Variants in MORN1 observed in about 807,000 individuals in gnomAD.
The protein encoded by MORN1 is MORN repeat-containing protein 1.
Under a neutral mutation model 61.9 loss-of-function variants are expected in MORN1, and 67 were observed. The observed-to-expected ratio is 1.08, with a 90% CI of 0.89 to 1.33. MORN1 has a LOEUF of 1.33. Ranked by LOEUF, MORN1 falls within the 40% of genes most tolerant of loss-of-function variation. MORN1 has a pLI of 0.00. For missense variants in MORN1, 752 were observed against 691.2 expected (o/e 1.09, Z -0.99); for synonymous variants, 301 against 292.0 (o/e 1.03, Z -0.31).
chr1:2,358,849 T>A, intron 8 of MORN1, 134 bp from the exon 9 acceptor site: 2 of 1,122,866 alleles, frequency 1.8e-6, no homozygotes, highest in African/African-American at 1.6e-5. Flanking sequence ...GTGACCCTGG[T>A]GGGCTGAGGA....
intron 12 of MORN1, among the ~76,000 whole-genome samples, chr1:2,327,980 G>C (rs1451668884): frequency 6.6e-6 from 1 of 152,250 alleles, no homozygotes; most frequent in African/African-American, 2.4e-5. Context: ...CCCGTCACAG[G>C]CTTCTGTGTG....
At chr1:2,387,363 T>G in intron 4 of MORN1, 56 bp downstream of exon 4, 13 of 1,296,184 alleles carry the variant, frequency 1.0e-5, no homozygotes, top group South Asian at 2.4e-5. Flanking sequence ...GGACGTAGGA[T>G]TCCATGTCCT....
At chr1:2,356,098 C>T (rs1641762354) in intron 10 of MORN1, among the ~76,000 whole-genome samples, 1 of 152,142 alleles carries the variant, frequency 6.6e-6, no homozygotes, top group Non-Finnish European at 1.5e-5. Context: ...TCAGGGGCGG[C>T]AGGTGGGGCT....
At chr1:2,330,181 CT>C (rs1414136019) in intron 12 of MORN1, among the ~76,000 whole-genome samples, 1 of 152,240 alleles carries the variant, frequency 6.6e-6, no homozygotes, top group Non-Finnish European at 1.5e-5. Context: ...AGGCCTGCCC[CT>C]AACTGGCCAC....
At chr1:2,335,837 C>CCAGCG (rs1557870498) in intron 12 of MORN1, among the ~76,000 whole-genome samples, 6 of 151,460 alleles carry the variant, frequency 4.0e-5, no homozygotes, top group Admixed American at 2.0e-4. Flanking sequence ...ATAGCCCAGC[C>CCAGCG]CAGCCCAGCG....
chr1:2,370,255 G>A (rs954582698), intron 8 of MORN1, among the ~76,000 whole-genome samples: 3 of 152,210 alleles, frequency 2.0e-5, no homozygotes, highest in African/African-American at 7.2e-5. Context: ...AAAGGACGGT[G>A]TTCTCAACAA....
intron 8 of MORN1, among the ~76,000 whole-genome samples, chr1:2,365,982 T>C (rs1641987170): frequency 6.8e-6 from 1 of 146,436 alleles, no homozygotes; most frequent in Non-Finnish European, 1.5e-5. Flanking sequence ...ACTGGGTATA[T>C]ACCCAAAGGA....
At chr1:2,350,284 C>T (rs934504235) in intron 10 of MORN1, 2 of 152,164 alleles carry the variant, frequency 1.3e-5, no homozygotes, top group Admixed American at 6.5e-5. Flanking sequence ...TTCTTCTCAA[C>T]GAAATGCAAA....
intron 10 of MORN1, among the ~76,000 whole-genome samples, chr1:2,340,576 C>G (rs555083088): frequency 5.0e-4 from 76 of 152,246 alleles, no homozygotes; most frequent in Non-Finnish European, 9.7e-4. Context: ...GTCCCTAGGC[C>G]TCCAGCACCC....
rs1276460961 is a variant in MORN1 at position 2,337,623 on chromosome 1, A to T, written c.1037-773T>A. Among the ~76,000 whole-genome samples, 1 of 152,160 alleles carries T rather than the reference A, an allele frequency of 6.6e-6. No homozygotes were observed. The highest frequency in any genetic ancestry group is 6.5e-5 in the Admixed American group (1 of 15,278). ...TGGTCAGTGGCTGAGCCTGAAGGAG[A>T]TAACTTCAGTGCAGCCCCTCCACAC... On this transcript the variant is annotated intron_variant, in intron 10 of 13. Transcript: ENST00000378531. This position sits in a 1 kb window ranked among gnomAD's most constrained non-coding sequence, Gnocchi z 5.7.
intron 13 of MORN1, chr1:2,323,448 G>T (rs981950785): frequency 1.1e-5 from 11 of 985,280 alleles, no homozygotes; most frequent in East Asian, 1.1e-4. Flanking sequence ...TCCATTCTCC[G>T]TCAGGCAGCC....
intron 2 of MORN1, 22 bp downstream of exon 2, chr1:2,389,903 A>G: frequency 6.2e-7 from 1 of 1,610,938 alleles, no homozygotes; most frequent in South Asian, 1.1e-5. Flanking sequence ...AGCTGCAAGA[A>G]GAGACCACAG....
intron 12 of MORN1, among the ~76,000 whole-genome samples, chr1:2,324,524 G>C (rs184425243): frequency 2.2e-4 from 33 of 152,330 alleles, no homozygotes; most frequent in African/African-American, 6.7e-4. Context: ...GAGAGACGGC[G>C]AGGCTGGAGC....
intron 6 of MORN1, among the ~76,000 whole-genome samples, chr1:2,381,537 C>G (rs1413991465): frequency 6.6e-6 from 1 of 152,136 alleles, no homozygotes; most frequent in Admixed American, 6.5e-5. Context: ...GGTTGGCAGG[C>G]GGTCCCAGGG....
In MORN1 at chr1:2,357,709, G is replaced by C; in HGVS notation, c.870-111C>G. 16 of 1,306,424 alleles carry C rather than the reference G, an allele frequency of 1.2e-5. No homozygotes were observed. The highest frequency in any genetic ancestry group is 1.5e-5 in the Non-Finnish European group (15 of 982,636). 80.9% of individuals were successfully genotyped at this position (1,306,424 alleles called of 1,614,324 possible). On this transcript the variant is annotated intron_variant, in intron 9 of 13. Coordinates refer to ENST00000378531, the MANE Select transcript of MORN1 (RefSeq NM_024848.3). The surrounding 1 kb of genome is among the most constrained non-coding windows in gnomAD (Gnocchi z 6.3). ...CTGGGACTTGCCTACACTGAGTCCAGGGAGCGCTACTCAGCCTCTCTGGGA... is the reference window on the plus strand; with the variant it reads ...CTGGGACTTGCCTACACTGAGTCCACGGAGCGCTACTCAGCCTCTCTGGGA...
At position 2,358,732 on chromosome 1, in the gene MORN1, G is replaced by T; in HGVS notation, c.746-17C>A. The T allele has an allele frequency of 6.2e-7, 1 of 1,601,154 alleles. No homozygotes were observed. Among genetic ancestry groups the T allele is most frequent in the Non-Finnish European group, 8.5e-7 (1 of 1,173,046 alleles). On this transcript the variant is annotated splice_polypyrimidine_tract_variant and intron_variant, in intron 8 of 13. Transcript: ENST00000378531. The stretch of plus-strand genomic sequence containing the variant: ...CGCTCTCGCCTTCCAGGAGAGAGGA[G>T]CAGGCAGTGAACACTCACAGGCACC...
At chr1:2,355,543 C>T (rs1569981235) in intron 10 of MORN1, 2 of 1,500,888 alleles carry the variant, frequency 1.3e-6, no homozygotes, top group Admixed American at 2.0e-5. Flanking sequence ...GGGGCAGGGG[C>T]ACGGGCATGG....
At chr1:2,333,381 G>A (rs1261592595) in intron 12 of MORN1, among the ~76,000 whole-genome samples, 1 of 152,214 alleles carries the variant, frequency 6.6e-6, no homozygotes, top group Non-Finnish European at 1.5e-5. Flanking sequence ...GGTCCCCAGC[G>A]ATGGCAACTG....
chr1:2,323,184 A>T (rs1360176675), intron 13 of MORN1: 1 of 985,228 alleles, frequency 1.0e-6, no homozygotes, highest in Non-Finnish European at 1.2e-6. Flanking sequence ...CTGTGGGACC[A>T]CGGGGGACAC....
Sources: allele counts gnomAD v4.1 joint callset (sites outside exome capture counted in the v4.1 genomes callset), GRCh38; gene constraint gnomAD v4.1.1; non-coding constraint Gnocchi (gnomAD v3.1); transcripts MANE v1.5; gene names NCBI Gene and HGNC (gene_info 2026-07-23, HGNC 2026-07-21).